The following SLC12A4 variants were observed in gnomAD, a reference collection of about 807,000 sequenced individuals.
The protein encoded by SLC12A4 is electroneutral potassium-chloride cotransporter 1.
A neutral mutation model predicts 119.2 loss-of-function variants in SLC12A4; 84 were observed. The observed-to-expected ratio is 0.70, with a 90% CI of 0.59 to 0.85. The LOEUF (loss-of-function observed/expected upper bound fraction) is 0.85, where lower values mean the gene tolerates loss of function less well. Ranked by LOEUF, SLC12A4 falls within the 40% of genes least tolerant of loss-of-function variation. The pLI is 0.00. For synonymous variants in SLC12A4, 599 were observed against 604.6 expected (o/e 0.99, Z 0.14); for missense variants, 1,298 against 1,476.3 (o/e 0.88, Z 1.98).
intron 13 of SLC12A4, among the ~76,000 whole-genome samples, chr16:67,948,752 T>C (rs1005908349): frequency 1.3e-5 from 2 of 151,952 alleles, no homozygotes; most frequent in Non-Finnish European, 2.9e-5. Context: ...GGCTGAGATG[T>C]AGCCTCTGAT....
chr16:67,955,632 G>A (rs190149352), intron 5 of SLC12A4, among the ~76,000 whole-genome samples: 255 of 152,330 alleles, frequency 1.7e-3, no homozygotes, highest in Middle Eastern at 6.8e-3. Context: ...TGTAATCCCA[G>A]CATTTTGGGA....
intron 1 of SLC12A4, chr16:67,964,183 CG>C: frequency 7.8e-7 from 1 of 1,275,898 alleles, no homozygotes; most frequent in Non-Finnish European, 1.1e-6. Context: ...GAAAGTCGGA[CG>C]GGTGGGTGTC....
At position 67,963,457 on chromosome 16, in the gene SLC12A4, T is replaced by C; in HGVS notation, c.210+8A>G. ...CAAACCTGTGGCCCAAAATGGCTCC[T>C]CAGCTACCTCAAACAGTGCCAGGTT... On this transcript the variant is annotated splice_region_variant and intron_variant, in intron 2 of 23. Coordinates refer to ENST00000316341, the MANE Select transcript of SLC12A4 (RefSeq NM_005072.5). The C allele has an allele frequency of 6.4e-7, 1 of 1,561,604 alleles. No individual in the cohort carries two copies. Among genetic ancestry groups the C allele is most frequent in the Non-Finnish European group, 8.6e-7 (1 of 1,163,260 alleles).
Position 67,945,568 on chromosome 16 carries a change from A to C in SLC12A4, c.2848-15T>G. The C allele has an allele frequency of 1.2e-6, 2 of 1,610,838 alleles. No homozygotes were observed. The highest frequency in any genetic ancestry group is 1.7e-6 in the Non-Finnish European group (2 of 1,178,388). On this transcript the variant is annotated splice_polypyrimidine_tract_variant and intron_variant, in intron 21 of 23. Transcript: ENST00000316341. ...ACCAGCTGGGCCTGAGGACAATTGC[A>C]GGAGATAGCCTTGGTCCCATAGGAA...
Position 67,951,837 on chromosome 16 carries a change from G to C in SLC12A4, c.1118C>G (p.Ala373Gly), listed in dbSNP as rs776436176. 3.7e-6 allele frequency: 6 copies of C among 1,612,606 alleles called. No individual in the cohort carries two copies. Among genetic ancestry groups the C allele is most frequent in the Non-Finnish European group, 5.1e-6 (6 of 1,179,604 alleles). Reference sequence around the variant, plus strand: ...GGAGGACCCACCCTGGAGCACACCAGCAGCTGCCCCGGGGATGCCAGGGAT... The same window carrying C: ...GGAGGACCCACCCTGGAGCACACCACCAGCTGCCCCGGGGATGCCAGGGAT... ...TEIPGIPGAA[A>G]GVLQENLWSA... The change falls in exon 8 of 24, where the codon GCT becomes GGT. Residue 373 changes from alanine (A) to glycine (G), a missense_variant. Transcript: ENST00000316341. The surrounding 1 kb of genome is among the most constrained non-coding windows in gnomAD (Gnocchi z 5.2).
intron 1 of SLC12A4, among the ~76,000 whole-genome samples, chr16:67,966,140 T>TTCC (rs1457088900): frequency 6.6e-6 from 1 of 152,240 alleles, no homozygotes; most frequent in Non-Finnish European, 1.5e-5. Context: ...CGGCCTTGGT[T>TTCC]TCCTCTTCTA....
intron 6 of SLC12A4, chr16:67,954,367 G>T: frequency 2.0e-6 from 1 of 488,234 alleles, no homozygotes; most frequent in Non-Finnish European, 3.8e-6. Context: ...ACAGTTCCTG[G>T]AACCCTTGCC....
At chr16:67,956,570 A>C (rs1274660755) in intron 5 of SLC12A4, among the ~76,000 whole-genome samples, 1 of 151,926 alleles carries the variant, frequency 6.6e-6, no homozygotes. Flanking sequence ...GCTACTCAGG[A>C]GGCTGAGGCA....
In SLC12A4 at chr16:67,946,329, A is replaced by C; in HGVS notation, c.2449T>G (p.Cys817Gly). Residue 817 changes from cysteine to glycine, a missense_variant, in exon 19 of 24, where the codon TGC becomes GGC. Coordinates refer to ENST00000316341, the MANE Select transcript of SLC12A4 (RefSeq NM_005072.5). The part of the protein sequence containing the change: ...AWKTFIDTVR[C>G]TTAAHLALLV... ...AGGGCCAGGTGGGCAGCCGTAGTGC[A>C]GCGCACGGTGTCTGGGGAGGAGGAG... 1.2e-6 allele frequency: 2 copies of C among 1,610,080 alleles called. No homozygotes were observed. The highest frequency in any genetic ancestry group is 1.7e-6 in the Non-Finnish European group (2 of 1,180,010).
chr16:67,950,010 C>T lies in SLC12A4; in HGVS notation c.1630-92G>A. ...GCCTGGCCTCCCTCACCCCCAGGGC[C>T]CGCCTTGGGGGCTCAGGCCGCCCCT... is the stretch of plus-strand genomic sequence containing the variant. On this transcript the variant is annotated intron_variant, in intron 12 of 23. Coordinates refer to ENST00000316341, the MANE Select transcript of SLC12A4 (RefSeq NM_005072.5). This position sits in a 1 kb window ranked among gnomAD's most constrained non-coding sequence, Gnocchi z 4.3. 1 of 1,024,864 alleles carries T rather than the reference C, an allele frequency of 9.8e-7. No individual in the cohort carries two copies. Among genetic ancestry groups the T allele is most frequent in the South Asian group, 1.3e-5 (1 of 74,460 alleles). 63.5% of individuals were successfully genotyped at this position (1,024,864 alleles called of 1,614,324 possible). A position where few individuals can be genotyped will look rare whatever the true frequency, so the allele number is the denominator to read the frequency against.
At chr16:67,958,302 C>T (rs1215238546) in intron 3 of SLC12A4, among the ~76,000 whole-genome samples, 1 of 152,158 alleles carries the variant, frequency 6.6e-6, no homozygotes, top group Non-Finnish European at 1.5e-5. Context: ...TGCCTCCTTC[C>T]CTTCCTCTCT....
chr16:67,954,395 C>G (rs2030125635), intron 6 of SLC12A4, among the ~76,000 whole-genome samples: 1 of 152,208 alleles, frequency 6.6e-6, no homozygotes, highest in African/African-American at 2.4e-5. Flanking sequence ...CAATGGTGCC[C>G]AGGTGGATGG....
chr16:67,948,600 G>A (rs2058378648), intron 13 of SLC12A4, among the ~76,000 whole-genome samples: 1 of 152,208 alleles, frequency 6.6e-6, no homozygotes, highest in Non-Finnish European at 1.5e-5. Context: ...CACTGCGGTG[G>A]GCGTGGGAGT....
intron 1 of SLC12A4, 86 bp from the exon 2 acceptor site, chr16:67,963,645 T>C (rs1424226592): frequency 1.0e-5 from 11 of 1,062,592 alleles, no homozygotes; most frequent in Non-Finnish European, 1.5e-5. Flanking sequence ...CCAAATCATT[T>C]CTGTGGAGCA....
chr16:67,963,905 T>C (rs536319292), intron 1 of SLC12A4: 5 of 1,550,982 alleles, frequency 3.2e-6, no homozygotes, highest in Non-Finnish European at 4.4e-6. Context: ...CACGCCCCAG[T>C]CCCTTTCCCG....
Position 67,950,003 on chromosome 16 carries a change from C to A in SLC12A4, c.1630-85G>T. ...GACCCCAGCCTGGCCTCCCTCACCC[C>A]CAGGGCCCGCCTTGGGGGCTCAGGC... On this transcript the variant is annotated intron_variant, in intron 12 of 23. Transcript: ENST00000316341. This position sits in a 1 kb window ranked among gnomAD's most constrained non-coding sequence, Gnocchi z 4.3. The A allele has an allele frequency of 9.3e-7, 1 of 1,080,910 alleles. No homozygotes were observed. The highest frequency in any genetic ancestry group is 1.4e-6 in the Non-Finnish European group (1 of 714,472). The allele number at this position is 1,080,910 out of a possible 1,614,324, so 67.0% of individuals were successfully genotyped here. A position where few individuals can be genotyped will look rare whatever the true frequency, so the allele number is the denominator to read the frequency against.
Position 67,951,167 on chromosome 16 carries a change from C to G in SLC12A4, c.1270G>C (p.Val424Leu). 6.2e-7 allele frequency: 1 copy of G among 1,614,020 alleles called. No homozygotes were observed. The highest frequency in any genetic ancestry group is 8.5e-7 in the Non-Finnish European group (1 of 1,179,940). ...ADIATSFTVL[V>L]GIFFPSVTGI... ...GTTACAGAAGGGAAGAAGATGCCGA[C>G]CAGCACGGTGAAGGATGTGGCGATG... Residue 424 changes from valine to leucine, a missense_variant, in exon 9 of 24, where the codon GTC becomes CTC. By Grantham distance (32) the Val-to-Leu change is conservative (BLOSUM62 1). Transcript: ENST00000316341. The surrounding 1 kb of genome is among the most constrained non-coding windows in gnomAD (Gnocchi z 5.2).
chr16:67,961,380 C>A (rs569470431), intron 3 of SLC12A4, among the ~76,000 whole-genome samples, 195 bp downstream of exon 3: 2 of 152,106 alleles, frequency 1.3e-5, no homozygotes, highest in Non-Finnish European at 1.5e-5. Context: ...TGGCCCTCTG[C>A]CCCCCGGGGG....
intron 3 of SLC12A4, among the ~76,000 whole-genome samples, chr16:67,960,878 G>A (rs747976787): frequency 6.6e-6 from 1 of 151,886 alleles, no homozygotes; most frequent in East Asian, 1.9e-4. Flanking sequence ...ATCAGGCTCC[G>A]ATCACATACA....
Sources: allele counts gnomAD v4.1 joint callset (sites outside exome capture counted in the v4.1 genomes callset), GRCh38; gene constraint gnomAD v4.1.1; non-coding constraint Gnocchi (gnomAD v3.1); transcripts MANE v1.5; gene names NCBI Gene and HGNC (gene_info 2026-07-23, HGNC 2026-07-21).